RBM46: variants seen among roughly 807,000 people sequenced by gnomAD.
RBM46 encodes the protein probable RNA-binding protein 46.
RBM46 carries 12 observed loss-of-function variants against 43.3 expected under a neutral mutation model. The observed-to-expected ratio is 0.28, with a 90% CI of 0.18 to 0.45. The LOEUF (loss-of-function observed/expected upper bound fraction) is 0.45, where lower values mean the gene tolerates loss of function less well. Among genes scored for constraint, RBM46 ranks in the 20% least tolerant of loss-of-function variants. RBM46 has a pLI of 1.00. For synonymous variants in RBM46, 205 were observed against 207.6 expected (o/e 0.99, Z 0.11); for missense variants, 412 against 639.1 (o/e 0.64, Z 3.83).
At chr4:154,825,117 A>G (rs1735898125) in intron 4 of RBM46, among the ~76,000 whole-genome samples, 1 of 152,116 alleles carries the variant, frequency 6.6e-6, no homozygotes, top group African/African-American at 2.4e-5. Flanking sequence ...ATTCCTTAAG[A>G]AGGGATCTGA....
chr4:154,808,660 G>A (rs950870264), intron 4 of RBM46, among the ~76,000 whole-genome samples: 10 of 151,950 alleles, frequency 6.6e-5, no homozygotes, highest in Admixed American at 3.9e-4. Context: ...ATAATTTGGG[G>A]CACAGAAGTT....
chr4:154,802,577 TCTTGACATC>T (rs1320177498), intron 4 of RBM46, among the ~76,000 whole-genome samples: 1 of 152,200 alleles, frequency 6.6e-6, no homozygotes, highest in Non-Finnish European at 1.5e-5. Flanking sequence ...AGTGGTGTGT[TCTTGACATC>T]CTAGTAAATA....
chr4:154,782,714 C>A (rs1024292783), intron 1 of RBM46, among the ~76,000 whole-genome samples: 1 of 152,160 alleles, frequency 6.6e-6, no homozygotes, highest in African/African-American at 2.4e-5. Context: ...ATCTCTGGAC[C>A]TCATGATCCA....
intron 4 of RBM46, among the ~76,000 whole-genome samples, chr4:154,806,292 G>T (rs1243503853): frequency 6.6e-6 from 1 of 151,846 alleles, no homozygotes; most frequent in African/African-American, 2.4e-5. Context: ...CAGAATAAAA[G>T]TATAAGAATT....
chr4:154,811,705 G>C lies in RBM46; in HGVS notation c.1402+12141G>C, dbSNP rs572747944. 2.1e-4 allele frequency among the ~76,000 whole-genome samples: 32 copies of C among 150,784 alleles called. 1 individual carries two copies. In the East Asian group the frequency reaches 4.7e-3, roughly 22 times the overall value. ...TGTGTGTGTGTGTGTGTGTGTGACA[G>C]AGTTTCGCTGTGTCACCCAGGCTGG... On this transcript the variant is annotated intron_variant, in intron 4 of 4. Transcript: ENST00000281722.
intron 4 of RBM46, among the ~76,000 whole-genome samples, chr4:154,824,229 T>C (rs189196155): frequency 3.5e-4 from 53 of 152,078 alleles, no homozygotes; most frequent in African/African-American, 1.3e-3. Context: ...GTACCAAATG[T>C]TAGAATGTGG....
At chr4:154,818,771 C>T (rs954545011) in intron 4 of RBM46, among the ~76,000 whole-genome samples, 2 of 151,910 alleles carry the variant, frequency 1.3e-5, no homozygotes, top group Non-Finnish European at 2.9e-5. Context: ...ATTGTCCATC[C>T]TTTTGTATGT....
intron 4 of RBM46, chr4:154,827,163 T>C: frequency 1.1e-6 from 1 of 915,670 alleles, no homozygotes; most frequent in Non-Finnish European, 1.3e-6. Context: ...TGAAACAGTA[T>C]TTCAAATGTT....
chr4:154,815,511 T>C (rs1235979289), intron 4 of RBM46, among the ~76,000 whole-genome samples: 7 of 152,074 alleles, frequency 4.6e-5, no homozygotes, highest in Non-Finnish European at 1.0e-4. Context: ...TTCTGATTAG[T>C]GTATATTTCT....
intron 4 of RBM46, chr4:154,826,728 T>C: frequency 8.0e-7 from 1 of 1,253,562 alleles, no homozygotes; most frequent in African/African-American, 1.6e-5. Context: ...TTTAACTGAT[T>C]TTCATTTTTC....
In RBM46 at chr4:154,828,425, A is replaced by C. The variant is rs1247495807; in HGVS notation, c.*358A>C. 1 of 230,308 alleles carries C rather than the reference A, an allele frequency of 4.3e-6. No homozygotes were observed. Among genetic ancestry groups the C allele is most frequent in the Non-Finnish European group, 8.5e-6 (1 of 117,994 alleles). The allele number at this position is 230,308 out of a possible 1,614,324, so 14.3% of individuals were successfully genotyped here. On this transcript the variant is annotated 3_prime_UTR_variant, in exon 5 of 5. Transcript: ENST00000281722. ...AATAGTATTTCACAAATATTAAAGC[A>C]CTTGAAGACAATGGTTATAGTAGAT...
Position 154,827,311 on chromosome 4 carries a change from C to G in RBM46, c.1403-557C>G, listed in dbSNP as rs1266812428. ...GATTCATTATACTGTTTTATCATAC[C>G]AGTAGGACTTTTAATGTTAAATCAG... On this transcript the variant is annotated intron_variant, in intron 4 of 4. Transcript: ENST00000281722. 1.4e-5 allele frequency: 13 copies of G among 949,126 alleles called. No homozygotes were observed. The Admixed American group carries it at 8.0e-4, about 59-fold the overall frequency. The allele number at this position is 949,126 out of a possible 1,614,324, so 58.8% of individuals were successfully genotyped here.
intron 4 of RBM46, among the ~76,000 whole-genome samples, chr4:154,811,649 A>ATGTGTG (rs1491589375): frequency 1.5e-5 from 2 of 134,144 alleles, no homozygotes; most frequent in East Asian, 2.2e-4. Flanking sequence ...GGTAGATAGG[A>ATGTGTG]TATGTGTGTG....
intron 4 of RBM46, among the ~76,000 whole-genome samples, chr4:154,806,652 A>G (rs904065476): frequency 2.6e-5 from 4 of 151,216 alleles, no homozygotes; most frequent in African/African-American, 9.7e-5. Flanking sequence ...GAACAGCTGG[A>G]AAAAAAAATA....
intron 4 of RBM46, among the ~76,000 whole-genome samples, chr4:154,800,905 A>C (rs1227715061): frequency 6.6e-6 from 1 of 152,136 alleles, no homozygotes; most frequent in Non-Finnish European, 1.5e-5. Flanking sequence ...CAAAAGGGAG[A>C]ATAATTTTTA....
chr4:154,817,079 T>C (rs1735480281), intron 4 of RBM46, among the ~76,000 whole-genome samples: 1 of 152,106 alleles, frequency 6.6e-6, no homozygotes, highest in African/African-American at 2.4e-5. Context: ...TTTGTTTTTT[T>C]TAGGATTTTT....
chr4:154,785,762 G>C (rs1354557259), intron 1 of RBM46, among the ~76,000 whole-genome samples: 1 of 152,168 alleles, frequency 6.6e-6, no homozygotes, highest in Non-Finnish European at 1.5e-5. Flanking sequence ...TTATTGAAGA[G>C]AGTTCAGAGT....
At position 154,828,744 on chromosome 4, in the gene RBM46, A is replaced by ACAAG. The variant is rs1736078664; in HGVS notation, c.*677_*678insCAAG. The ACAAG allele has an allele frequency of 6.6e-6, 1 of 152,550 alleles. No homozygotes were observed. Among genetic ancestry groups the ACAAG allele is most frequent in the Non-Finnish European group, 1.5e-5 (1 of 68,016 alleles). 9.4% of individuals were successfully genotyped at this position (152,550 alleles called of 1,614,324 possible). A position where few individuals can be genotyped will look rare whatever the true frequency, so the allele number is the denominator to read the frequency against. On this transcript the variant is annotated 3_prime_UTR_variant, in exon 5 of 5. Coordinates refer to ENST00000281722, the MANE Select transcript of RBM46 (RefSeq NM_144979.5). ...TAATAACAAGTGTTATGGGTTTTTAATGTTGAAATCATGTGTTAATTTTTG... is the reference window on the plus strand; with the variant it reads ...TAATAACAAGTGTTATGGGTTTTTAACAAGTGTTGAAATCATGTGTTAATTTTTG...
chr4:154,824,750 A>G (rs181784382), intron 4 of RBM46, among the ~76,000 whole-genome samples: 9 of 152,218 alleles, frequency 5.9e-5, no homozygotes, highest in East Asian at 1.9e-4. Context: ...AATTAATTCA[A>G]ATGTGCTTAA....
Sources: gnomAD v4.1 joint callset for allele counts (sites outside exome capture counted in the v4.1 genomes callset) on GRCh38, gnomAD v4.1.1 for gene constraint, MANE v1.5 for transcripts, NCBI Gene and HGNC (gene_info 2026-07-23, HGNC 2026-07-21) for gene names.